The following ZFHX3 variants were observed in gnomAD, a reference collection of about 807,000 sequenced individuals.
ZFHX3 encodes the protein zinc finger homeobox protein 3.
A neutral mutation model predicts 279.1 loss-of-function variants in ZFHX3; 42 were observed. That is an observed-to-expected ratio of 0.15 (90% CI 0.12 to 0.19). The LOEUF is 0.19. Among genes scored for constraint, ZFHX3 ranks in the 10% least tolerant of loss-of-function variants. The pLI is 1.00. For missense variants in ZFHX3, 4,981 were observed against 4,754.0 expected, an observed-to-expected ratio of 1.05 and a Z score of -1.40; for synonymous variants, 2,293 against 1,957.8, an observed-to-expected ratio of 1.17 and a Z score of -4.52.
chr16:73,390,886 A>T (rs1322297835), intron 3 of ZFHX3, among the ~76,000 whole-genome samples: 3 of 152,202 alleles, frequency 2.0e-5, no homozygotes, highest in Non-Finnish European at 4.4e-5. Flanking sequence ...AGAGGGCTCA[A>T]TGAGGTCTCA....
chr16:73,765,687 C>T (rs1196156433), intron 1 of ZFHX3, among the ~76,000 whole-genome samples: 2 of 152,180 alleles, frequency 1.3e-5, no homozygotes, highest in Non-Finnish European at 2.9e-5. Flanking sequence ...AAAACACTGC[C>T]CAAATTCTTT....
Position 72,957,776 on chromosome 16 carries a change from G to A in ZFHX3, c.2370C>T (p.Cys790=), listed in dbSNP as rs764967926. Residue 790 remains cysteine, a synonymous_variant, in exon 2 of 10, where the codon TGC becomes TGT. Coordinates refer to ENST00000268489, the MANE Select transcript of ZFHX3 (RefSeq NM_006885.4). ...AAAAANISSS[C]GAPSPTKPKT... The stretch of plus-strand genomic sequence containing the variant: ...TTGGTTTGGTCGGCGAGGGGGCCCC[G>A]CAGGAGCTACTGATATTGGCTGCCG... 26 of 1,613,892 alleles carry A rather than the reference G, an allele frequency of 1.6e-5. No individual in the cohort carries two copies. The highest frequency in any genetic ancestry group is 3.3e-4 in the Middle Eastern group (2 of 6,084).
chr16:73,343,821 A>G (rs2143265171), intron 3 of ZFHX3, among the ~76,000 whole-genome samples: 1 of 152,340 alleles, frequency 6.6e-6, no homozygotes, highest in South Asian at 2.1e-4. Flanking sequence ...GTAATGGATT[A>G]CAATCCCTTG....
At chr16:73,509,354 C>A (rs1362668910) in intron 2 of ZFHX3, among the ~76,000 whole-genome samples, 1 of 152,004 alleles carries the variant, frequency 6.6e-6, no homozygotes, top group Non-Finnish European at 1.5e-5. Flanking sequence ...CCTTCTCCCC[C>A]TCCACCCCCT....
chr16:73,248,085 T>G lies in ZFHX3; in HGVS notation c.-1104+8962A>C, dbSNP rs557826663. 1.9e-4 allele frequency among the ~76,000 whole-genome samples: 29 copies of G among 152,044 alleles called. 1 individual carries two copies. The highest frequency in any genetic ancestry group is 4.6e-4 in the Admixed American group (7 of 15,260). ...GTGTGTGTATACTGTATATATAATG[T>G]GTGTGTGTATATGTGCCTGTATGTG... On this transcript the variant is annotated intron_variant, in intron 5 of 17. Transcript: ENST00000641206.
intron 2 of ZFHX3, among the ~76,000 whole-genome samples, chr16:73,509,733 T>C (rs1160112970): frequency 1.4e-5 from 2 of 143,560 alleles, no homozygotes; most frequent in East Asian, 4.1e-4. Flanking sequence ...TCTCGCTCTG[T>C]TGCCCAGGCT....
Position 72,795,525 on chromosome 16 carries a change from A to T in ZFHX3, c.7157T>A (p.Met2386Lys). The change falls in exon 9 of 10, where the codon ATG becomes AAG. Residue 2386 changes from methionine to lysine, a missense_variant. Around this residue, in one of 7 missense-constraint regions of ZFHX3, gnomAD observed 744 missense variants for 701.3 expected, o/e 1.06. Coordinates refer to ENST00000268489, the MANE Select transcript of ZFHX3 (RefSeq NM_006885.4). ...TGGGGCGCTGTAAGCCTGTGAGGGC[A>T]TCGGGGTACTGCAGGATGAGCTGGT... ...TPTSSSCSTP[M>K]PSQAYSAPAP... 6.2e-7 allele frequency: 1 copy of T among 1,614,142 alleles called. No individual in the cohort carries two copies. Among genetic ancestry groups the T allele is most frequent in the Non-Finnish European group, 8.5e-7 (1 of 1,180,032 alleles).
intron 1 of ZFHX3, among the ~76,000 whole-genome samples, chr16:73,000,694 C>G (rs528408621): frequency 3.9e-5 from 6 of 152,304 alleles, no homozygotes; most frequent in African/African-American, 1.4e-4. Flanking sequence ...CCATTTCCCT[C>G]TCAAATTACG....
intron 4 of ZFHX3, among the ~76,000 whole-genome samples, chr16:73,310,219 C>T (rs1025335049): frequency 2.0e-5 from 3 of 151,984 alleles, no homozygotes; most frequent in Non-Finnish European, 2.9e-5. Context: ...CTTTGGGACT[C>T]TTTCTAACAG....
chr16:73,330,785 G>A (rs1233651264), intron 3 of ZFHX3, among the ~76,000 whole-genome samples: 1 of 152,188 alleles, frequency 6.6e-6, no homozygotes, highest in African/African-American at 2.4e-5. Flanking sequence ...CAGATACTAA[G>A]ATAATAGGCT....
At chr16:73,430,897 G>C (rs1370170363) in intron 3 of ZFHX3, among the ~76,000 whole-genome samples, 1 of 152,190 alleles carries the variant, frequency 6.6e-6, no homozygotes, top group East Asian at 1.9e-4. Flanking sequence ...TGTGTTTCCA[G>C]TGCCCAGCAC....
At chr16:72,895,973 C>T (rs548827346) in intron 3 of ZFHX3, among the ~76,000 whole-genome samples, 5 of 152,276 alleles carry the variant, frequency 3.3e-5, no homozygotes, top group African/African-American at 9.6e-5. Context: ...GTAGCTTTCA[C>T]AGAAAGAAAC....
chr16:73,533,375 G>A (rs192272006), intron 2 of ZFHX3, among the ~76,000 whole-genome samples: 58 of 149,754 alleles, frequency 3.9e-4, no homozygotes, highest in African/African-American at 1.4e-3. Context: ...CTTATCTGAA[G>A]TGAAACACTT....
intron 1 of ZFHX3, among the ~76,000 whole-genome samples, chr16:73,002,513 TCA>T (rs980043368): frequency 2.0e-5 from 3 of 152,124 alleles, no homozygotes; most frequent in Non-Finnish European, 2.9e-5. Context: ...GCTTTGAAAT[TCA>T]GTGACATATC....
intron 1 of ZFHX3, among the ~76,000 whole-genome samples, chr16:73,803,877 C>A (rs559220419): frequency 6.6e-6 from 1 of 152,114 alleles, no homozygotes; most frequent in East Asian, 1.9e-4. Context: ...TTACTAGAAA[C>A]AGCCAGGCAC....
intron 1 of ZFHX3, among the ~76,000 whole-genome samples, chr16:72,979,332 C>T (rs768582461): frequency 6.6e-6 from 1 of 152,172 alleles, no homozygotes; most frequent in Non-Finnish European, 1.5e-5. Flanking sequence ...GCTTTGCTTA[C>T]CTAAGGCCTA....
chr16:73,162,656 T>G (rs1285130073), intron 5 of ZFHX3, among the ~76,000 whole-genome samples: 2 of 152,074 alleles, frequency 1.3e-5, no homozygotes, highest in East Asian at 3.9e-4. Context: ...AGAGATGAGG[T>G]TTCACCATGT....
chr16:73,774,289 C>A (rs973207647), intron 1 of ZFHX3, among the ~76,000 whole-genome samples: 1 of 152,144 alleles, frequency 6.6e-6, no homozygotes, highest in African/African-American at 2.4e-5. Context: ...CATGGCCTAG[C>A]ATGGTGCTTG....
intron 2 of ZFHX3, among the ~76,000 whole-genome samples, chr16:73,471,129 G>A (rs1373251836): frequency 2.0e-5 from 3 of 152,190 alleles, no homozygotes; most frequent in Non-Finnish European, 4.4e-5. Flanking sequence ...TCAAAGAAAA[G>A]CTGATAACAA....
Sources: allele counts gnomAD v4.1 joint callset (sites outside exome capture counted in the v4.1 genomes callset), GRCh38; gene constraint gnomAD v4.1.1; regional missense constraint gnomAD v4.1.1; transcripts MANE v1.5; gene names NCBI Gene and HGNC (gene_info 2026-07-23, HGNC 2026-07-21).